The following PCDHA1 variants were observed in gnomAD, a reference collection of about 807,000 sequenced individuals.
The protein encoded by PCDHA1 is protocadherin alpha 1.
Under a neutral mutation model 61.3 loss-of-function variants are expected in PCDHA1, and 42 were observed. That is an observed-to-expected ratio of 0.69 (90% CI 0.54 to 0.89). The LOEUF (loss-of-function observed/expected upper bound fraction) is 0.89. PCDHA1 is among the 40% of genes least tolerant of loss of function. PCDHA1 has a pLI of 0.00. For missense variants in PCDHA1, 1,256 were observed against 1,235.3 expected, an observed-to-expected ratio of 1.02 and a Z score of -0.25; for synonymous variants, 610 against 553.8, an observed-to-expected ratio of 1.10 and a Z score of -1.43.
rs1436841742 is a variant in PCDHA1, at chr5:140,852,718, G to A, written c.2394+64034G>A. 4.1e-6 allele frequency: 4 copies of A among 981,606 alleles called. 1 individual carries two copies. The highest frequency in any genetic ancestry group is 4.9e-6 in the Non-Finnish European group (4 of 814,578). 60.8% of individuals were successfully genotyped at this position (981,606 alleles called of 1,614,324 possible). ...CTTTCAAGTATCTTTGTCTTTGCAC[G>A]TTTTTCAAGTTTCATGTGCCATTTA... is the stretch of plus-strand genomic sequence containing the variant. On this transcript the variant is annotated intron_variant, in intron 1 of 3. Coordinates refer to ENST00000504120, the MANE Select transcript of PCDHA1 (RefSeq NM_018900.4).
chr5:140,832,037 T>C (rs1771814112), intron 1 of PCDHA1, among the ~76,000 whole-genome samples: 1 of 152,240 alleles, frequency 6.6e-6, no homozygotes, highest in Non-Finnish European at 1.5e-5. Flanking sequence ...TTGTTATTCA[T>C]AGTGAGGCCA....
chr5:140,892,087 T>G (rs2063378040), intron 1 of PCDHA1, among the ~76,000 whole-genome samples: 1 of 152,226 alleles, frequency 6.6e-6, no homozygotes, highest in East Asian at 1.9e-4. Context: ...TAGTTTCCTC[T>G]CGAAACTTTC....
intron 1 of PCDHA1, among the ~76,000 whole-genome samples, chr5:140,792,294 T>G (rs1188058263): frequency 1.3e-5 from 2 of 152,188 alleles, no homozygotes; most frequent in Non-Finnish European, 2.9e-5. Context: ...CAACCATCAT[T>G]GGATTTATGG....
chr5:140,810,607 A>G (rs1418736500), intron 1 of PCDHA1: 1 of 152,144 alleles, frequency 6.6e-6, no homozygotes, highest in African/African-American at 2.4e-5. Flanking sequence ...GGCAATTTTT[A>G]TACCTTATTT....
At chr5:140,971,462 A>G (rs1554233357) in intron 1 of PCDHA1, among the ~76,000 whole-genome samples, 1 of 152,184 alleles carries the variant, frequency 6.6e-6, no homozygotes, top group African/African-American at 2.4e-5. Flanking sequence ...TTTTGCAGTT[A>G]TAGGGAGAGA....
At chr5:140,888,753 AC>A (rs1372547782) in intron 1 of PCDHA1, among the ~76,000 whole-genome samples, 1 of 149,022 alleles carries the variant, frequency 6.7e-6, no homozygotes, top group African/African-American at 2.5e-5. Context: ...TATTCTACCC[AC>A]TTTTTTTTTT....
In PCDHA1 at chr5:140,851,743, G is replaced by A. The variant is rs1045115703; in HGVS notation, c.2394+63059G>A. ...ACTTCGAGTTCTTTTGAAATTCAGA[G>A]TCTGTAACTTAAAACATTACCCTTA... On this transcript the variant is annotated intron_variant, in intron 1 of 3. Transcript: ENST00000504120. 3 of 972,104 alleles carry A rather than the reference G, an allele frequency of 3.1e-6. 1 individual carries two copies. The highest frequency in any genetic ancestry group is 3.7e-6 in the Non-Finnish European group (3 of 804,720). 60.2% of individuals were successfully genotyped at this position (972,104 alleles called of 1,614,324 possible).
Position 140,844,029 on chromosome 5 carries a change from A to C in PCDHA1, c.2394+55345A>C, listed in dbSNP as rs1554140517. Among the ~76,000 whole-genome samples the C allele has an allele frequency of 2.7e-5, 4 of 149,808 alleles. 1 individual carries two copies. The East Asian group carries it at 7.7e-4, about 29-fold the overall frequency. On this transcript the variant is annotated intron_variant, in intron 1 of 3. Coordinates refer to ENST00000504120, the MANE Select transcript of PCDHA1 (RefSeq NM_018900.4). ...CTCTAAGGACGTTCAGGGCATTTTG[A>C]TCTTTGGTGAAAGTATTCCCCCAAA...
At chr5:140,935,894 C>CT (rs55841305) in intron 1 of PCDHA1, among the ~76,000 whole-genome samples, 11,084 of 136,696 alleles carry the variant, frequency 0.081, 520 homozygotes, top group Middle Eastern at 0.14. Context: ...TCAATATTAT[C>CT]TTTTTTTTTT....
In PCDHA1 at chr5:140,849,870, G is replaced by T. The variant is rs2150455328; in HGVS notation, c.2394+61186G>T. ...CAACGCACCAGCGTTCGCGCAGTCC[G>T]AGTACACGGTGTTCGTGAAGGAGAA... On this transcript the variant is annotated intron_variant, in intron 1 of 3. Coordinates refer to ENST00000504120, the MANE Select transcript of PCDHA1 (RefSeq NM_018900.4). 25 of 1,598,494 alleles carry T rather than the reference G, an allele frequency of 1.6e-5. 2 individuals carry two copies. The highest frequency in any genetic ancestry group is 2.1e-5 in the Non-Finnish European group (24 of 1,167,988).
At chr5:140,993,450 CTTCT>C (rs1279887965) in intron 3 of PCDHA1, among the ~76,000 whole-genome samples, 2 of 137,074 alleles carry the variant, frequency 1.5e-5, no homozygotes, top group South Asian at 2.5e-4. Flanking sequence ...TCCTGTTCTC[CTTCT>C]TTCTTTCTCA....
In PCDHA1 at chr5:140,788,350, C is replaced by T. The variant is rs782810018; in HGVS notation, c.2060C>T (p.Ala687Val). Residue 687 changes from alanine to valine, a missense_variant, in exon 1 of 4, where the codon GCG (alanine) becomes GTG (valine). By Grantham distance (64) the Ala-to-Val change is moderately conservative. Coordinates refer to ENST00000504120, the MANE Select transcript of PCDHA1 (RefSeq NM_018900.4). ...KASSRASVGV[A>V]GPEAALVDVN... ...TCTTCGCGGGCGTCGGTGGGTGTCG[C>T]GGGCCCAGAGGCGGCGCTGGTGGAT... 3 of 1,613,866 alleles carry T rather than the reference C, an allele frequency of 1.9e-6. No homozygotes were observed. In the African/African-American group the frequency reaches 4.0e-5, roughly 22 times the overall value.
chr5:140,822,361 A>G, intron 1 of PCDHA1: 2 of 1,614,164 alleles, frequency 1.2e-6, no homozygotes, highest in Non-Finnish European at 1.7e-6. Flanking sequence ...GCTGGTTTTG[A>G]GGAAATCCTT....
At chr5:140,946,631 T>TATATATACAC (rs57893927) in intron 1 of PCDHA1, among the ~76,000 whole-genome samples, 11,667 of 131,732 alleles carry the variant, frequency 0.089, 743 homozygotes, top group Middle Eastern at 0.14. Context: ...TATATATATA[T>TATATATACAC]ACAATGGAAT....
rs1554117588 is a variant in PCDHA1 at position 140,786,885 on chromosome 5, T to C, written c.595T>C (p.Tyr199His). The C allele has an allele frequency of 1.2e-6, 2 of 1,613,924 alleles. No homozygotes were observed. The highest frequency in any genetic ancestry group is 2.2e-5 in the East Asian group (1 of 44,892). ...SKSLWLELRKYLDREETPELH... is the reference protein window; with the variant it reads ...SKSLWLELRKHLDREETPELH... ...ATCTCTTTGGCTTGAATTGAGAAAA[T>C]ATTTGGATAGAGAAGAAACACCAGA... The change falls in exon 1 of 4, where the codon TAT becomes CAT. Residue 199 changes from tyrosine to histidine, a missense_variant. Tyr to His is a moderately conservative substitution (Grantham distance 83, BLOSUM62 2). Coordinates refer to ENST00000504120, the MANE Select transcript of PCDHA1 (RefSeq NM_018900.4).
chr5:140,870,552 G>A, intron 1 of PCDHA1: 2 of 1,614,042 alleles, frequency 1.2e-6, no homozygotes, highest in Non-Finnish European at 1.7e-6. Context: ...ACGCGGACGC[G>A]CAGGAGAACG....
intron 1 of PCDHA1, chr5:140,823,051 G>A (rs140107313): frequency 6.2e-6 from 10 of 1,614,068 alleles, no homozygotes; most frequent in Non-Finnish European, 8.5e-6. Flanking sequence ...GGTGGTGACC[G>A]CGCGGGACGG....
chr5:140,811,893 G>A (rs1262337923), intron 1 of PCDHA1: 1 of 152,102 alleles, frequency 6.6e-6, no homozygotes, highest in Non-Finnish European at 1.5e-5. Context: ...GTAGATTCTG[G>A]ATATTAGCCC....
chr5:140,967,079 A>G (rs2096093467), intron 1 of PCDHA1: 10 of 1,613,252 alleles, frequency 6.2e-6, no homozygotes, highest in Non-Finnish European at 8.5e-6. Flanking sequence ...CAACGAGCGC[A>G]TTGATCGGGA....
Sources: gnomAD v4.1 joint callset for allele counts (sites outside exome capture counted in the v4.1 genomes callset) on GRCh38, gnomAD v4.1.1 for gene constraint, MANE v1.5 for transcripts, NCBI Gene and HGNC (gene_info 2026-07-23, HGNC 2026-07-21) for gene names.